PEX5L: variants seen among roughly 807,000 people sequenced by gnomAD.
PEX5L encodes the protein peroxisomal biogenesis factor 5 like.
Under a neutral mutation model 84.0 loss-of-function variants are expected in PEX5L, and 30 were observed. That is an observed-to-expected ratio of 0.36 (90% CI 0.27 to 0.48). PEX5L has a LOEUF of 0.48. Ranked by LOEUF, PEX5L falls within the 20% of genes least tolerant of loss-of-function variation. PEX5L has a pLI of 0.99. For missense variants in PEX5L, 533 were observed against 754.6 expected (o/e 0.71, Z 3.44); for synonymous variants, 270 against 283.1 (o/e 0.95, Z 0.46).
intron 1 of PEX5L, among the ~76,000 whole-genome samples, chr3:179,986,569 A>ATTT (rs1786863826): frequency 1.3e-5 from 2 of 151,700 alleles, no homozygotes; most frequent in Admixed American, 6.6e-5. Context: ...CGCCCGGCTA[A>ATTT]TTTTTTGTAT....
chr3:179,806,978 T>C (rs571862203), intron 14 of PEX5L, among the ~76,000 whole-genome samples: 20 of 152,270 alleles, frequency 1.3e-4, no homozygotes, highest in African/African-American at 4.3e-4. Context: ...TAATACCGGT[T>C]TATTTAGAAA....
In PEX5L at chr3:179,997,552, C is replaced by T. The variant is rs1201059558; in HGVS notation, c.22-25887G>A. ...AGCAAATCAAAAACAATATCACATC[C>T]CTGGAGGGGTTGCAGAGATTAGTGC... On this transcript the variant is annotated intron_variant, in intron 1 of 14. Transcript: ENST00000467460. Among the ~76,000 whole-genome samples the T allele has an allele frequency of 1.3e-5, 2 of 152,156 alleles. 1 individual carries two copies. The highest frequency in any genetic ancestry group is 4.1e-4 in the South Asian group (2 of 4,826).
At chr3:179,891,155 C>A (rs567509014) in intron 3 of PEX5L, among the ~76,000 whole-genome samples, 1 of 151,880 alleles carries the variant, frequency 6.6e-6, no homozygotes, top group African/African-American at 2.4e-5. Flanking sequence ...ACACCTCTGC[C>A]TCAGGAAGTC....
At chr3:179,957,081 A>G (rs1375718528) in intron 2 of PEX5L, among the ~76,000 whole-genome samples, 2 of 152,230 alleles carry the variant, frequency 1.3e-5, no homozygotes, top group Non-Finnish European at 2.9e-5. Flanking sequence ...CTATGTAGCA[A>G]TGTGGAAAAA....
intron 2 of PEX5L, among the ~76,000 whole-genome samples, chr3:179,958,843 G>A (rs1212773104): frequency 6.6e-6 from 1 of 152,018 alleles, no homozygotes. Flanking sequence ...ACCAAAAATT[G>A]GAATAACATA....
Position 179,819,854 on chromosome 3 carries a change from G to T in PEX5L, c.939+6C>A, listed in dbSNP as rs1454469687. On this transcript the variant is annotated splice_donor_region_variant and intron_variant, in intron 9 of 14. Coordinates refer to ENST00000467460, the MANE Select transcript of PEX5L (RefSeq NM_016559.3). Reference sequence around the variant, plus strand: ...AGTCAGCATGTATAGGAACAGAATTGGTTACCTTCTCACTAGCCGAGATGG... The same window carrying T: ...AGTCAGCATGTATAGGAACAGAATTTGTTACCTTCTCACTAGCCGAGATGG... 1 of 1,613,052 alleles carries T rather than the reference G, an allele frequency of 6.2e-7. No homozygotes were observed. Among genetic ancestry groups the T allele is most frequent in the Non-Finnish European group, 8.5e-7 (1 of 1,179,078 alleles).
At chr3:179,961,944 C>CT (rs1414005452) in intron 2 of PEX5L, among the ~76,000 whole-genome samples, 1 of 64,956 alleles carries the variant, frequency 1.5e-5, no homozygotes, top group African/African-American at 4.4e-5. Context: ...TGGAGAGGCC[C>CT]TGAGAGATGA....
chr3:179,857,546 G>A (rs1267459361), intron 8 of PEX5L, among the ~76,000 whole-genome samples: 1 of 152,152 alleles, frequency 6.6e-6, no homozygotes, highest in African/African-American at 2.4e-5. Context: ...CTCTATCAAA[G>A]CGAAGATTAA....
intron 1 of PEX5L, chr3:179,974,272 G>A: frequency 1.2e-6 from 1 of 828,464 alleles, no homozygotes; most frequent in Non-Finnish European, 1.5e-6. Flanking sequence ...AGGGGGCAGG[G>A]CTTCTGTGGG....
intron 1 of PEX5L, among the ~76,000 whole-genome samples, chr3:180,017,146 T>C (rs1790013062): frequency 6.6e-6 from 1 of 152,218 alleles, no homozygotes; most frequent in Non-Finnish European, 1.5e-5. Flanking sequence ...AATTTTGGTC[T>C]AAAGGAAATC....
rs952391979 is a variant in PEX5L, at chr3:179,827,346, C to T, written c.823-7370G>A. Among the ~76,000 whole-genome samples the T allele has an allele frequency of 2.0e-4, 30 of 152,262 alleles. 1 individual carries two copies. In the Middle Eastern group the frequency reaches 0.01, roughly 52 times the overall value. Reference sequence around the variant, plus strand: ...CAAAGAAGCCCAAGCCTCAAAGGCCCCATGGAGGTGTTCCAGCCATCAGTC... The same window carrying T: ...CAAAGAAGCCCAAGCCTCAAAGGCCTCATGGAGGTGTTCCAGCCATCAGTC... On this transcript the variant is annotated intron_variant, in intron 8 of 14. Transcript: ENST00000467460.
rs1349323392 is a variant in PEX5L, at chr3:179,809,408, C to A, written c.1352+63G>T. 3.1e-6 allele frequency: 4 copies of A among 1,275,134 alleles called. No homozygotes were observed. The Admixed American group carries it at 5.1e-5, about 16-fold the overall frequency. 79.0% of individuals were successfully genotyped at this position (1,275,134 alleles called of 1,614,324 possible). Reference sequence around the variant, plus strand: ...TAGGGTGTGAGGCTCATTAGTTGCCCTTTAGGTGATTCATTGTATATATGG... The same window carrying A: ...TAGGGTGTGAGGCTCATTAGTTGCCATTTAGGTGATTCATTGTATATATGG... On this transcript the variant is annotated intron_variant, in intron 12 of 14. Transcript: ENST00000467460.
intron 1 of PEX5L, among the ~76,000 whole-genome samples, chr3:180,024,785 T>C (rs1485493807): frequency 1.3e-5 from 2 of 151,936 alleles, no homozygotes; most frequent in Non-Finnish European, 2.9e-5. Flanking sequence ...TATAAGCAAA[T>C]GACAGCCTCC....
chr3:179,847,188 T>A (rs1368998378), intron 8 of PEX5L, among the ~76,000 whole-genome samples: 1 of 151,232 alleles, frequency 6.6e-6, no homozygotes, highest in Non-Finnish European at 1.5e-5. Flanking sequence ...TGATATTGGA[T>A]GGGGTGGGTG....
At chr3:179,816,856 T>G (rs898461557) in intron 9 of PEX5L, among the ~76,000 whole-genome samples, 2 of 152,138 alleles carry the variant, frequency 1.3e-5, no homozygotes, top group Non-Finnish European at 2.9e-5. Context: ...TAGATAATAC[T>G]AAATAATATA....
At chr3:179,909,024 A>T (rs1764255550) in intron 2 of PEX5L, among the ~76,000 whole-genome samples, 1 of 152,180 alleles carries the variant, frequency 6.6e-6, no homozygotes, top group South Asian at 2.1e-4. Flanking sequence ...ATTGACTATG[A>T]ACTATGACTG....
chr3:179,967,878 C>T (rs2110192207), intron 2 of PEX5L, among the ~76,000 whole-genome samples: 1 of 152,290 alleles, frequency 6.6e-6, no homozygotes, highest in South Asian at 2.1e-4. Context: ...GAATAAGAAA[C>T]CCCGGGGGTG....
At chr3:179,807,645 T>A (rs1422563861) in intron 14 of PEX5L, 29 bp downstream of exon 14, 2 of 1,606,260 alleles carry the variant, frequency 1.2e-6, no homozygotes, top group Admixed American at 3.3e-5. Flanking sequence ...GGGCATGGCC[T>A]TCATCCTTGG....
intron 2 of PEX5L, among the ~76,000 whole-genome samples, chr3:179,909,600 C>T (rs1326465886): frequency 2.0e-5 from 3 of 152,174 alleles, no homozygotes; most frequent in Non-Finnish European, 4.4e-5. Flanking sequence ...TAATAACTGT[C>T]AGGAGCTGAG....
Sources: gnomAD v4.1 joint callset for allele counts (sites outside exome capture counted in the v4.1 genomes callset) on GRCh38, gnomAD v4.1.1 for gene constraint, MANE v1.5 for transcripts, NCBI Gene and HGNC (gene_info 2026-07-23, HGNC 2026-07-21) for gene names.